Variants in DNAJC17 observed in about 807,000 individuals in gnomAD.
DNAJC17 encodes dnaJ homolog subfamily C member 17.
Under a neutral mutation model 48.1 loss-of-function variants are expected in DNAJC17, and 35 were observed. The ratio of observed to expected loss-of-function variants is 0.73; its 90% CI spans 0.56 to 0.96. DNAJC17 has a LOEUF of 0.96. Among genes scored for constraint, DNAJC17 ranks in the 50% least tolerant of loss-of-function variants. The probability of loss-of-function intolerance (pLI) is 0.00; values close to 1 mark genes in which losing one functional copy is unlikely to be tolerated. For missense variants in DNAJC17, 355 were observed against 377.1 expected (o/e 0.94, Z 0.48); for synonymous variants, 117 against 142.7 (o/e 0.82, Z 1.28).
intron 1 of DNAJC17, among the ~76,000 whole-genome samples, chr15:40,783,848 G>A (rs1211432174): frequency 6.6e-6 from 1 of 152,014 alleles, no homozygotes; most frequent in Non-Finnish European, 1.5e-5. Context: ...GGGTGACAGA[G>A]TAAGGCTCTG....
chr15:40,799,263 G>A (rs2141963460), intron 1 of DNAJC17, among the ~76,000 whole-genome samples: 1 of 149,156 alleles, frequency 6.7e-6, no homozygotes, highest in South Asian at 2.1e-4. Context: ...GGTGCTCGCT[G>A]CTTCAGGCTC....
chr15:40,781,153 GAAAA>G (rs11337976), intron 1 of DNAJC17, among the ~76,000 whole-genome samples: 24 of 88,976 alleles, frequency 2.7e-4, no homozygotes, highest in African/African-American at 8.0e-4. Flanking sequence ...CTCCATCTCA[GAAAA>G]AAAAAAAAAA....
rs1481430730 is a variant in DNAJC17, at chr15:40,780,311, C to T, written c.79-314G>A. 2.8e-5 allele frequency: 15 copies of T among 534,538 alleles called. No individual in the cohort carries two copies. In the East Asian group the frequency reaches 5.2e-4, roughly 19 times the overall value. The allele number at this position is 534,538 out of a possible 1,614,324, so 33.1% of individuals were successfully genotyped here. A position where few individuals can be genotyped will look rare whatever the true frequency, so the allele number is the denominator to read the frequency against. ...CTCGACAGCCACTCGAAGACAGGTACTCTACACATTCTTGGTGGGCATATA... is the reference window on the plus strand; with the variant it reads ...CTCGACAGCCACTCGAAGACAGGTATTCTACACATTCTTGGTGGGCATATA... On this transcript the variant is annotated intron_variant, in intron 1 of 10. Transcript: ENST00000220496.
chr15:40,807,176 C>A, intron 1 of DNAJC17, 193 bp downstream of exon 1: 1 of 1,392,352 alleles, frequency 7.2e-7, no homozygotes, highest in Non-Finnish European at 9.6e-7. Context: ...CTCTGTACCC[C>A]GCTTCCTCTT....
At chr15:40,800,885 G>A (rs1156455676) in intron 1 of DNAJC17, among the ~76,000 whole-genome samples, 1 of 151,614 alleles carries the variant, frequency 6.6e-6, no homozygotes, top group African/African-American at 2.4e-5. Flanking sequence ...TTGAACCTGG[G>A]AGGCAGAGGT....
At chr15:40,798,305 GAGAA>G (rs1193652904) in intron 1 of DNAJC17, among the ~76,000 whole-genome samples, 2 of 152,132 alleles carry the variant, frequency 1.3e-5, no homozygotes, top group Non-Finnish European at 2.9e-5. Flanking sequence ...AATTCATATA[GAGAA>G]AGAAAGTAGA....
chr15:40,803,197 A>G (rs1448192009), intron 1 of DNAJC17, among the ~76,000 whole-genome samples: 1 of 151,348 alleles, frequency 6.6e-6, no homozygotes, highest in East Asian at 1.9e-4. Flanking sequence ...TCCTTCACCC[A>G]GTTCCTGGAG....
intron 10 of DNAJC17, among the ~76,000 whole-genome samples, chr15:40,768,591 C>T (rs1889026045): frequency 6.6e-6 from 1 of 152,186 alleles, no homozygotes; most frequent in Non-Finnish European, 1.5e-5. Context: ...AATGCCCCAC[C>T]CTCGAAGGGG....
chr15:40,767,682 C>G lies in DNAJC17; in HGVS notation c.*258G>C, dbSNP rs998874567. On this transcript the variant is annotated 3_prime_UTR_variant, in exon 11 of 11. Coordinates refer to ENST00000220496, the MANE Select transcript of DNAJC17 (RefSeq NM_018163.3). ...GCGCGTGGCTCCTGCATAGCTAGCC[C>G]AAGCCAATAAAGGGCTGTGATGAGT... 8 of 612,034 alleles carry G rather than the reference C, an allele frequency of 1.3e-5. No homozygotes were observed. The highest frequency in any genetic ancestry group is 1.9e-5 in the Non-Finnish European group (7 of 367,488). The allele number at this position is 612,034 out of a possible 1,614,324, so 37.9% of individuals were successfully genotyped here. A position where few individuals can be genotyped will look rare whatever the true frequency, so the allele number is the denominator to read the frequency against.
intron 1 of DNAJC17, among the ~76,000 whole-genome samples, chr15:40,801,737 C>CA (rs1048222450): frequency 0.041 from 2,548 of 62,722 alleles, 56 homozygotes; most frequent in African/African-American, 0.075. Context: ...GACTCCGTCT[C>CA]AAAAAAAAAA....
rs149719928 is a variant in DNAJC17, at chr15:40,767,283, G to T, written c.*657C>A. On this transcript the variant is annotated 3_prime_UTR_variant, in exon 11 of 11. Transcript: ENST00000220496. ...TAGTCCTGGACAAGCTGGAACGCAG[G>T]GGCTTCCGTGTGCTGAGCATGACGG... 1.9e-6 allele frequency: 3 copies of T among 1,604,222 alleles called. No homozygotes were observed. The highest frequency in any genetic ancestry group is 2.6e-6 in the Non-Finnish European group (3 of 1,175,476).
At position 40,765,609 on chromosome 15, in the gene DNAJC17, G is replaced by A. The variant is rs1448873474; in HGVS notation, c.*2331C>T. The A allele has an allele frequency of 2.8e-6, 1 of 363,608 alleles. No homozygotes were observed. The highest frequency in any genetic ancestry group is 2.1e-5 in the African/African-American group (1 of 47,820). The allele number at this position is 363,608 out of a possible 1,614,324, so 22.5% of individuals were successfully genotyped here. ...TGATACTTTGCCTGGCTAAAGCTGA[G>A]CTTTAAGGCACTAGGGAGGGCGCCT... On this transcript the variant is annotated 3_prime_UTR_variant, in exon 11 of 11. Coordinates refer to ENST00000220496, the MANE Select transcript of DNAJC17 (RefSeq NM_018163.3).
intron 7 of DNAJC17, 171 bp downstream of exon 7, chr15:40,775,382 G>A (rs1022830623): frequency 2.4e-6 from 2 of 819,880 alleles, no homozygotes; most frequent in Non-Finnish European, 2.0e-6. Context: ...AGCCTTTCGT[G>A]GCAAGCTCTG....
rs570932519 is a variant in DNAJC17 at position 40,788,799 on chromosome 15, C to T, written c.79-8802G>A. ...GGCTGGGAAGGATTATTTGAGTCCACGAGTTTGAGGCTGCATGCCACTGCA... is the reference window on the plus strand; with the variant it reads ...GGCTGGGAAGGATTATTTGAGTCCATGAGTTTGAGGCTGCATGCCACTGCA... On this transcript the variant is annotated intron_variant, in intron 1 of 10. Coordinates refer to ENST00000220496, the MANE Select transcript of DNAJC17 (RefSeq NM_018163.3). Among the ~76,000 whole-genome samples, 3 of 152,208 alleles carry T rather than the reference C, an allele frequency of 2.0e-5. No homozygotes were observed. The South Asian group carries it at 6.2e-4, about 32-fold the overall frequency.
rs1453514124 is a variant in DNAJC17 at position 40,779,253 on chromosome 15, G to A, written c.265C>T (p.Leu89Phe). The change falls in exon 4 of 11, where the codon CTT becomes TTT. Residue 89 changes from leucine to phenylalanine, a missense_variant. Coordinates refer to ENST00000220496, the MANE Select transcript of DNAJC17 (RefSeq NM_018163.3). ...KKQAAERTQK[L>F]DEKRKKVKLD... is the part of the protein sequence containing the mutation. ...TTCACTTTCTTCCTTTTCTCATCAA[G>A]TTTCTGGGTCCTCTCTGCTGCTTGC... The A allele has an allele frequency of 6.2e-7, 1 of 1,614,150 alleles. No individual in the cohort carries two copies. Among genetic ancestry groups the A allele is most frequent in the Admixed American group, 1.7e-5 (1 of 60,026 alleles).
At chr15:40,806,978 T>C in intron 1 of DNAJC17, 1 of 409,434 alleles carries the variant, frequency 2.4e-6, no homozygotes, top group Non-Finnish European at 4.4e-6. Context: ...AGGCTCTTAG[T>C]GGAAGAATTA....
chr15:40,800,517 G>T (rs1890050642), intron 1 of DNAJC17, among the ~76,000 whole-genome samples: 9 of 149,672 alleles, frequency 6.0e-5, no homozygotes, highest in Admixed American at 6.0e-4. Flanking sequence ...TACAGACAGA[G>T]TTTCACTCTG....
intron 1 of DNAJC17, among the ~76,000 whole-genome samples, chr15:40,804,146 TAGAG>T (rs796900886): frequency 1.3e-5 from 2 of 150,490 alleles, no homozygotes; most frequent in African/African-American, 4.9e-5. Context: ...TTTTTATATA[TAGAG>T]AGAGAGACAG....
intron 1 of DNAJC17, among the ~76,000 whole-genome samples, chr15:40,803,107 A>G (rs1029037947): frequency 1.3e-5 from 2 of 151,240 alleles, no homozygotes; most frequent in Non-Finnish European, 2.9e-5. Context: ...GGGTCAAAAA[A>G]AAAAAAAAGA....
Sources: gnomAD v4.1 joint callset for allele counts (sites outside exome capture counted in the v4.1 genomes callset) on GRCh38, gnomAD v4.1.1 for gene constraint, MANE v1.5 for transcripts, NCBI Gene and HGNC (gene_info 2026-07-23, HGNC 2026-07-21) for gene names.